Variants in RAP1GAP observed in about 807,000 individuals in gnomAD.
RAP1GAP encodes the protein rap1 GTPase-activating protein 1.
A neutral mutation model predicts 87.2 loss-of-function variants in RAP1GAP; 35 were observed. The observed-to-expected ratio is 0.40, with a 90% CI of 0.31 to 0.53. The LOEUF (loss-of-function observed/expected upper bound fraction) is 0.53, where lower values mean the gene tolerates loss of function less well. RAP1GAP is among the 20% of genes least tolerant of loss of function. The pLI, the probability that RAP1GAP is intolerant of heterozygous loss-of-function variation, is 0.48. For synonymous variants in RAP1GAP, 375 were observed against 363.9 expected, an observed-to-expected ratio of 1.03 and a Z score of -0.35; for missense variants, 734 against 898.9, an observed-to-expected ratio of 0.82 and a Z score of 2.35.
chr1:21,597,928 C>T lies in RAP1GAP; in HGVS notation c.1983+33G>A, dbSNP rs993658684. On this transcript the variant is annotated intron_variant, in intron 23 of 24. Transcript: ENST00000374765. ...AGCTCATCCCCTCCCGGGTGGGGCT[C>T]CCTCAGCACCAGCCCCAGGAGGCTG... is the stretch of plus-strand genomic sequence containing the variant. 13 of 1,541,808 alleles carry T rather than the reference C, an allele frequency of 8.4e-6. No individual in the cohort carries two copies. In the African/African-American group the frequency reaches 1.5e-4, roughly 18 times the overall value.
chr1:21,661,255 A>G (rs2152340222), intron 1 of RAP1GAP, among the ~76,000 whole-genome samples: 1 of 149,728 alleles, frequency 6.7e-6, no homozygotes, highest in Non-Finnish European at 1.5e-5. Flanking sequence ...CTGTCTCCAA[A>G]AAAAAAAAAA....
chr1:21,616,248 C>T lies in RAP1GAP; in HGVS notation c.291+1058G>A, dbSNP rs1387278268. Among the ~76,000 whole-genome samples the T allele has an allele frequency of 2.6e-5, 4 of 151,880 alleles. No homozygotes were observed. In the South Asian group the frequency reaches 8.3e-4, roughly 32 times the overall value. On this transcript the variant is annotated intron_variant, in intron 7 of 24. Transcript: ENST00000374765. ...CACCTTAATGGAAGGTCAGCCAAAGCTGGTTCAATTCCCAGGCTTAGTCAT... is the reference window on the plus strand; with the variant it reads ...CACCTTAATGGAAGGTCAGCCAAAGTTGGTTCAATTCCCAGGCTTAGTCAT...
chr1:21,635,426 G>A (rs937367667), intron 2 of RAP1GAP, among the ~76,000 whole-genome samples: 1 of 152,138 alleles, frequency 6.6e-6, no homozygotes, highest in Non-Finnish European at 1.5e-5. Context: ...CACATGTCCT[G>A]AGGTCTGCTC....
intron 2 of RAP1GAP, among the ~76,000 whole-genome samples, chr1:21,649,474 C>A (rs2096382484): frequency 6.6e-6 from 1 of 152,168 alleles, no homozygotes; most frequent in Non-Finnish European, 1.5e-5. Context: ...GCATTTTAAT[C>A]CCCATTTCAC....
chr1:21,634,870 T>C lies in RAP1GAP; in HGVS notation c.-112-8473A>G, dbSNP rs2094433987. ...GAGGACTTCAGTGTGGACTGACTCCTCCCCTGCACTGGGGTAAGGAGGAGG... is the reference window on the plus strand; with the variant it reads ...GAGGACTTCAGTGTGGACTGACTCCCCCCCTGCACTGGGGTAAGGAGGAGG... On this transcript the variant is annotated intron_variant, in intron 2 of 24. Coordinates refer to ENST00000374765, the MANE Select transcript of RAP1GAP (RefSeq NM_002885.4). The surrounding 1 kb of genome is among the most constrained non-coding windows in gnomAD (Gnocchi z 4.1). The C allele has an allele frequency of 8.2e-6, 2 of 243,412 alleles. No individual in the cohort carries two copies. The highest frequency in any genetic ancestry group is 7.1e-5 in the South Asian group (2 of 28,198). 15.1% of individuals were successfully genotyped at this position (243,412 alleles called of 1,614,324 possible). A position where few individuals can be genotyped will look rare whatever the true frequency, so the allele number is the denominator to read the frequency against.
At chr1:21,656,709 G>C (rs902201045) in intron 1 of RAP1GAP, among the ~76,000 whole-genome samples, 5 of 152,182 alleles carry the variant, frequency 3.3e-5, no homozygotes, top group Non-Finnish European at 7.3e-5. Flanking sequence ...CTGGCTCTGA[G>C]ACTCCTGCTC....
In RAP1GAP at chr1:21,608,883, G is replaced by C. The variant is rs1558653240; in HGVS notation, c.1125C>G (p.Ala375=). The change falls in exon 16 of 25, where the codon GCC becomes GCG. Residue 375 remains alanine (A), a synonymous_variant. Transcript: ENST00000374765. ...TGGCAAACTTCTCTGCCTTGTAGCAGGCATATTCAGCATTGATCAGCTTTG... is the reference window on the plus strand; with the variant it reads ...TGGCAAACTTCTCTGCCTTGTAGCACGCATATTCAGCATTGATCAGCTTTG... ...LLTKLINAEY[A]CYKAEKFAKL... 1 of 1,614,140 alleles carries C rather than the reference G, an allele frequency of 6.2e-7. No individual in the cohort carries two copies. The highest frequency in any genetic ancestry group is 2.2e-5 in the East Asian group (1 of 44,888).
chr1:21,613,262 G>A lies in RAP1GAP; in HGVS notation c.475-33C>T, dbSNP rs1423058854. ...AGGAGATAAGGGAGGGGTGTGAGGT[G>A]TGGGGCCAGGGAGGAGAGGATGGGG... On this transcript the variant is annotated intron_variant, in intron 9 of 24. Transcript: ENST00000374765. This position sits in a 1 kb window ranked among gnomAD's most constrained non-coding sequence, Gnocchi z 4.7. The A allele has an allele frequency of 2.0e-6, 3 of 1,524,706 alleles. No homozygotes were observed. The highest frequency in any genetic ancestry group is 1.1e-5 in the South Asian group (1 of 89,178). 94.4% of individuals were successfully genotyped at this position (1,524,706 alleles called of 1,614,324 possible). A position where few individuals can be genotyped will look rare whatever the true frequency, so the allele number is the denominator to read the frequency against.
chr1:21,656,446 A>C lies in RAP1GAP; in HGVS notation c.-148-6650T>G, dbSNP rs28468969. On this transcript the variant is annotated intron_variant, in intron 1 of 24. Transcript: ENST00000374765. ...AAAAAAAAAAAAAAAAAAAAAAAAA[A>C]AAAAAAAAGACCTAACAACGGAAAG... 2.7e-3 allele frequency among the ~76,000 whole-genome samples: 359 copies of C among 132,612 alleles called. 1 individual carries two copies. The highest frequency in any genetic ancestry group is 4.7e-3 in the East Asian group (18 of 3,812). The allele number at this position is 132,612 out of a possible 152,430, so 87.0% of individuals were successfully genotyped here.
At chr1:21,629,147 G>A (rs558729369) in intron 2 of RAP1GAP, among the ~76,000 whole-genome samples, 2 of 152,316 alleles carry the variant, frequency 1.3e-5, no homozygotes, top group African/African-American at 2.4e-5. Context: ...TAAAGTACAT[G>A]CCCTAGAGGA....
chr1:21,658,992 T>C (rs1346860059), intron 1 of RAP1GAP, among the ~76,000 whole-genome samples: 1 of 143,096 alleles, frequency 7.0e-6, no homozygotes, highest in Non-Finnish European at 1.5e-5. Flanking sequence ...CAGGCTGGAG[T>C]GCAATGGCGC....
chr1:21,597,557 A>G, intron 24 of RAP1GAP, 129 bp downstream of exon 24: 1 of 957,706 alleles, frequency 1.0e-6, no homozygotes. Context: ...ACTGAGGACC[A>G]GGGGGCTCAA....
intron 2 of RAP1GAP, among the ~76,000 whole-genome samples, chr1:21,642,938 T>C (rs1260329214): frequency 6.7e-6 from 1 of 148,886 alleles, no homozygotes; most frequent in Admixed American, 6.6e-5. Context: ...CACTTCAACT[T>C]TTGAGTCACC....
intron 17 of RAP1GAP, among the ~76,000 whole-genome samples, chr1:21,606,549 C>G (rs1227046884): frequency 6.6e-6 from 1 of 152,210 alleles, no homozygotes; most frequent in East Asian, 1.9e-4. Context: ...TGCGTAAGGA[C>G]TGCAGAAGAC....
intron 19 of RAP1GAP, 25 bp from the exon 20 acceptor site, chr1:21,601,822 G>A: frequency 6.5e-7 from 1 of 1,531,660 alleles, no homozygotes; most frequent in Non-Finnish European, 8.9e-7. Flanking sequence ...GGGGCAGCGG[G>A]GGGATTCAGC....
rs1411461711 is a variant in RAP1GAP at position 21,608,941 on chromosome 1, A to G, written c.1072-5T>C. 2 of 1,608,266 alleles carry G rather than the reference A, an allele frequency of 1.2e-6. No individual in the cohort carries two copies. Among genetic ancestry groups the G allele is most frequent in the East Asian group, 4.5e-5 (2 of 44,842 alleles). On this transcript the variant is annotated splice_polypyrimidine_tract_variant and splice_region_variant and intron_variant, in intron 15 of 24. Transcript: ENST00000374765. The stretch of plus-strand genomic sequence containing the variant: ...AAATTCCTGGAACTCAGGCCCCTGG[A>G]AACTCCCAGTGTGGAGGAGATAAGG...
chr1:21,622,274 C>G lies in RAP1GAP; in HGVS notation c.-18-2224G>C. The G allele has an allele frequency of 2.2e-6, 1 of 464,350 alleles. No homozygotes were observed. Among genetic ancestry groups the G allele is most frequent in the Non-Finnish European group, 3.8e-6 (1 of 261,106 alleles). The allele number at this position is 464,350 out of a possible 1,614,324, so 28.8% of individuals were successfully genotyped here. A position where few individuals can be genotyped will look rare whatever the true frequency, so the allele number is the denominator to read the frequency against. ...TGGCTGGGGCAGAGCCGGCCGGGCT[C>G]CCCAGCAGTCGGGGTGACCCAGCCC... On this transcript the variant is annotated intron_variant, in intron 3 of 24. Coordinates refer to ENST00000374765, the MANE Select transcript of RAP1GAP (RefSeq NM_002885.4). The surrounding 1 kb of genome is among the most constrained non-coding windows in gnomAD (Gnocchi z 5.7).
At chr1:21,606,424 G>A (rs2074640981) in intron 17 of RAP1GAP, among the ~76,000 whole-genome samples, 1 of 152,220 alleles carries the variant, frequency 6.6e-6, no homozygotes, top group African/African-American at 2.4e-5. Context: ...GGGCCTAAGG[G>A]TAGCTCAGGT....
In RAP1GAP at chr1:21,665,035, AG is replaced by A. The variant is rs377074368; in HGVS notation, c.-149+4218del. Among the ~76,000 whole-genome samples, 19 of 152,340 alleles carry A rather than the reference AG, an allele frequency of 1.2e-4. No individual in the cohort carries two copies. In the East Asian group the frequency reaches 2.9e-3, roughly 23 times the overall value. ...AGCAGAGACTGGATTTGGCATTCTG[AG>A]GACTCCCAATCTATGTCCTTTTAGA... On this transcript the variant is annotated intron_variant, in intron 1 of 24. Coordinates refer to ENST00000374765, the MANE Select transcript of RAP1GAP (RefSeq NM_002885.4).
Sources: gnomAD v4.1 joint callset for allele counts (sites outside exome capture counted in the v4.1 genomes callset) on GRCh38, gnomAD v4.1.1 for gene constraint, Gnocchi (gnomAD v3.1) non-coding constraint, MANE v1.5 for transcripts, NCBI Gene and HGNC (gene_info 2026-07-23, HGNC 2026-07-21) for gene names.